IL1RAPL2: variants seen among roughly 807,000 people sequenced by gnomAD.
The protein encoded by IL1RAPL2 is X-linked interleukin-1 receptor accessory protein-like 2.
In IL1RAPL2, 3 loss-of-function variants were observed where a neutral mutation model predicts 44.1. The observed-to-expected ratio is 0.07, with a 90% CI of 0.03 to 0.18. The LOEUF is 0.18. Among genes scored for constraint, IL1RAPL2 ranks in the 10% least tolerant of loss-of-function variants. IL1RAPL2 has a pLI of 1.00. For missense variants in IL1RAPL2, 391 were observed against 496.4 expected (o/e 0.79, Z 2.02); for synonymous variants, 181 against 178.8 (o/e 1.01, Z -0.10).
intron 4 of IL1RAPL2, among the ~76,000 whole-genome samples, chrX:105,237,538 T>C (rs2034131939): frequency 8.9e-6 from 1 of 112,114 alleles, no homozygotes; most frequent in South Asian, 3.7e-4. Flanking sequence ...ATTGCCATTC[T>C]AACTGGTGTG....
intron 3 of IL1RAPL2, among the ~76,000 whole-genome samples, chrX:105,196,764 C>G (rs1369273495): frequency 9.0e-6 from 1 of 111,527 alleles, no homozygotes; most frequent in Non-Finnish European, 1.9e-5. Flanking sequence ...CATCTAGCAT[C>G]TCAAATAGAG....
intron 2 of IL1RAPL2, among the ~76,000 whole-genome samples, chrX:104,767,814 G>C (rs1418791812): frequency 9.0e-6 from 1 of 111,471 alleles, no homozygotes; most frequent in Non-Finnish European, 1.9e-5. Context: ...AGTAGAATAA[G>C]TGGCAAGAAG....
intron 1 of IL1RAPL2, among the ~76,000 whole-genome samples, chrX:104,656,519 A>G (rs185848023): frequency 8.9e-6 from 1 of 111,827 alleles, no homozygotes; most frequent in Non-Finnish European, 1.9e-5. Context: ...TTCTAATTTG[A>G]TTGCACTGTG....
chrX:104,697,571 C>T (rs1931202492), intron 2 of IL1RAPL2, among the ~76,000 whole-genome samples: 1 of 111,071 alleles, frequency 9.0e-6, no homozygotes, highest in Non-Finnish European at 1.9e-5. Flanking sequence ...CTCATCCATT[C>T]AGCCAATATT....
At chrX:105,319,329 T>G (rs1308921205) in intron 5 of IL1RAPL2, among the ~76,000 whole-genome samples, 1 of 111,864 alleles carries the variant, frequency 8.9e-6, no homozygotes, top group Non-Finnish European at 1.9e-5. Context: ...TCCAAGCTAG[T>G]TCAAAACTCC....
chrX:104,967,859 A>G (rs189283904), intron 2 of IL1RAPL2, among the ~76,000 whole-genome samples: 6 of 111,175 alleles, frequency 5.4e-5, no homozygotes, highest in Admixed American at 4.8e-4. Flanking sequence ...GAAGAAATAG[A>G]AAACCTTAGT....
intron 5 of IL1RAPL2, among the ~76,000 whole-genome samples, chrX:105,409,873 T>C (rs73636224): frequency 0.12 from 1,741 of 13,965 alleles, 42 homozygotes; most frequent in African/African-American, 0.15. Flanking sequence ...GACAGATAGA[T>C]AGAGTGTGGG....
intron 5 of IL1RAPL2, among the ~76,000 whole-genome samples, chrX:105,456,720 T>A (rs775263696): frequency 1.8e-5 from 2 of 111,433 alleles, no homozygotes; most frequent in South Asian, 7.5e-4. Context: ...CTAGTATTTC[T>A]TTAGCTACAT....
intron 5 of IL1RAPL2, among the ~76,000 whole-genome samples, chrX:105,446,763 T>C (rs774292917): frequency 9.2e-6 from 1 of 109,248 alleles, no homozygotes; most frequent in Non-Finnish European, 1.9e-5. Context: ...AAAGTTGTTG[T>C]AGTTATTATT....
intron 6 of IL1RAPL2, among the ~76,000 whole-genome samples, chrX:105,577,714 A>G (rs1339390061): frequency 2.7e-5 from 3 of 110,266 alleles, no homozygotes; most frequent in Non-Finnish European, 5.7e-5. Flanking sequence ...CCTGGAATAT[A>G]ATAGTTTGTC....
At chrX:105,452,148 C>G (rs1002446885) in intron 5 of IL1RAPL2, among the ~76,000 whole-genome samples, 11 of 111,070 alleles carry the variant, frequency 9.9e-5, no homozygotes, top group African/African-American at 3.6e-4. Context: ...TTTGCATCAT[C>G]TAGTGATGAT....
chrX:105,128,582 G>T (rs1189088265), intron 2 of IL1RAPL2, among the ~76,000 whole-genome samples: 1 of 110,509 alleles, frequency 9.0e-6, no homozygotes. Flanking sequence ...GTGAGCTCTG[G>T]GTATATCACA....
chrX:105,338,202 C>T (rs2035043728), intron 5 of IL1RAPL2, among the ~76,000 whole-genome samples: 1 of 111,867 alleles, frequency 8.9e-6, no homozygotes, highest in Non-Finnish European at 1.9e-5. Context: ...TCATTACCTA[C>T]ATTCTCTCCT....
chrX:105,354,676 A>G (rs1011998234), intron 5 of IL1RAPL2, among the ~76,000 whole-genome samples: 27 of 111,347 alleles, frequency 2.4e-4, no homozygotes, highest in Non-Finnish European at 4.3e-4. Context: ...CCTATATTCT[A>G]AACAGTCATG....
At chrX:104,951,558 A>G (rs1925586992) in intron 2 of IL1RAPL2, among the ~76,000 whole-genome samples, 1 of 112,727 alleles carries the variant, frequency 8.9e-6, no homozygotes, top group Non-Finnish European at 1.9e-5. Context: ...AACCCATTTC[A>G]TGAAAGTGGC....
chrX:105,402,617 A>G lies in IL1RAPL2; in HGVS notation c.698-81696A>G, dbSNP rs1320408304. 3.6e-5 allele frequency among the ~76,000 whole-genome samples: 4 copies of G among 111,468 alleles called. No homozygotes were observed. In the East Asian group the frequency reaches 1.1e-3, roughly 31 times the overall value. ...TGAAGGACAAACGGTGACCCAAGTC[A>G]TGGGCTGCTTTGGCTTTGATTAAAA... On this transcript the variant is annotated intron_variant, in intron 5 of 10. Coordinates refer to ENST00000372582, the MANE Select transcript of IL1RAPL2 (RefSeq NM_017416.2).
chrX:104,582,668 TTTTCTTTCTCTTTCTTTC>T (rs1302679442), intron 1 of IL1RAPL2, among the ~76,000 whole-genome samples: 1 of 84,289 alleles, frequency 1.2e-5, no homozygotes, highest in Non-Finnish European at 2.4e-5. Flanking sequence ...TTTTTTTCTT[TTTTCTTTCTCTTTCTTTC>T]TTTCTTTCTC....
intron 2 of IL1RAPL2, among the ~76,000 whole-genome samples, chrX:104,768,391 C>T (rs1005628870): frequency 9.0e-6 from 1 of 111,605 alleles, no homozygotes; most frequent in Non-Finnish European, 1.9e-5. Context: ...TGCCTCTCCC[C>T]TATAGTAATC....
intron 2 of IL1RAPL2, among the ~76,000 whole-genome samples, chrX:105,024,093 ACTT>A (rs748578990): frequency 8.9e-6 from 1 of 111,815 alleles, no homozygotes; most frequent in African/African-American, 3.2e-5. Flanking sequence ...CAATTATTAT[ACTT>A]CTTTAAAATA....
Sources: gnomAD v4.1 joint callset for allele counts (sites outside exome capture counted in the v4.1 genomes callset) on GRCh38, gnomAD v4.1.1 for gene constraint, MANE v1.5 for transcripts, NCBI Gene and HGNC (gene_info 2026-07-23, HGNC 2026-07-21) for gene names.